The following VPS13A variants were observed in gnomAD, a reference collection of about 807,000 sequenced individuals.
VPS13A encodes intermembrane lipid transfer protein VPS13A.
A neutral mutation model predicts 390.9 loss-of-function variants in VPS13A; 264 were observed. That is an observed-to-expected ratio of 0.68 (90% confidence interval 0.61 to 0.75). The LOEUF (loss-of-function observed/expected upper bound fraction) is 0.75, where lower values mean the gene tolerates loss of function less well. VPS13A is among the 30% of genes least tolerant of loss of function. The pLI is 0.00. For synonymous variants in VPS13A, 1,231 were observed against 1,227.1 expected (o/e 1.00, Z -0.07); for missense variants, 3,409 against 3,733.9 (o/e 0.91, Z 2.27).
intron 17 of VPS13A, among the ~76,000 whole-genome samples, chr9:77,237,423 G>A (rs1824214191): frequency 6.6e-6 from 1 of 151,816 alleles, no homozygotes; most frequent in Admixed American, 6.6e-5. Flanking sequence ...GGAGGGCAGT[G>A]GCATGATCTC....
intron 31 of VPS13A, among the ~76,000 whole-genome samples, chr9:77,287,735 G>A (rs756402870): frequency 2.2e-4 from 33 of 152,186 alleles, no homozygotes; most frequent in Non-Finnish European, 4.1e-4. Context: ...TGTTGAAAGA[G>A]CTTTCCAGGT....
At position 77,214,225 on chromosome 9, in the gene VPS13A, G is replaced by A. The variant is rs1194647337; in HGVS notation, c.697-104G>A. ...CATGAGACAGGGGTTGCAGTGAGCT[G>A]AGATTGCACCACTGCCCTCCAGCCT... On this transcript the variant is annotated intron_variant, in intron 9 of 71. Coordinates refer to ENST00000360280, the MANE Select transcript of VPS13A (RefSeq NM_033305.3). 1.2e-5 allele frequency: 11 copies of A among 947,906 alleles called. No homozygotes were observed. The South Asian group carries it at 1.4e-4, about 12-fold the overall frequency. The allele number at this position is 947,906 out of a possible 1,614,324, so 58.7% of individuals were successfully genotyped here. A position where few individuals can be genotyped will look rare whatever the true frequency, so the allele number is the denominator to read the frequency against.
chr9:77,251,319 A>T (rs1308164527), intron 21 of VPS13A, among the ~76,000 whole-genome samples: 1 of 152,220 alleles, frequency 6.6e-6, no homozygotes, highest in Non-Finnish European at 1.5e-5. Context: ...ATGAGATAGT[A>T]TATATGAAAA....
intron 59 of VPS13A, among the ~76,000 whole-genome samples, chr9:77,364,099 G>T (rs1346613526): frequency 1.3e-5 from 2 of 152,112 alleles, no homozygotes; most frequent in African/African-American, 4.8e-5. Context: ...ACCCAAGGCA[G>T]AGCTTTTTTA....
Position 77,280,200 on chromosome 9 carries a change from A to G in VPS13A, c.2866A>G (p.Asn956Asp), listed in dbSNP as rs1444800030. ...KPVYLVTTLD[N>D]TMEDLLTLEY... The stretch of plus-strand genomic sequence containing the variant: ...AGTTTATTTGGTTACAACCCTGGAT[A>G]ACACAATGGAAGACCTGTTAACGCT... The change falls in exon 27 of 72, where the codon AAC becomes GAC. Residue 956 changes from asparagine to aspartate, a missense_variant. By Grantham distance (23) the Asn-to-Asp change is conservative. Coordinates refer to ENST00000360280, the MANE Select transcript of VPS13A (RefSeq NM_033305.3). 6.2e-7 allele frequency: 1 copy of G among 1,612,818 alleles called. No individual in the cohort carries two copies. Among genetic ancestry groups the G allele is most frequent in the Non-Finnish European group, 8.5e-7 (1 of 1,179,404 alleles).
intron 35 of VPS13A, among the ~76,000 whole-genome samples, chr9:77,308,511 A>G (rs972771449): frequency 6.6e-6 from 1 of 152,172 alleles, no homozygotes; most frequent in Non-Finnish European, 1.5e-5. Flanking sequence ...TATTGATATT[A>G]GGAATATCAA....
At chr9:77,233,103 ATTAG>A (rs1291429983) in intron 17 of VPS13A, among the ~76,000 whole-genome samples, 18 of 152,186 alleles carry the variant, frequency 1.2e-4, no homozygotes, top group Admixed American at 3.9e-4. Context: ...TTTACTTCCT[ATTAG>A]TTATCTGATT....
intron 61 of VPS13A, among the ~76,000 whole-genome samples, chr9:77,367,115 C>G (rs995498486): frequency 2.0e-5 from 3 of 152,070 alleles, no homozygotes; most frequent in African/African-American, 7.2e-5. Flanking sequence ...ATGCAAGTTT[C>G]ACATTTTAAA....
At chr9:77,274,179 C>T (rs957329027) in intron 24 of VPS13A, among the ~76,000 whole-genome samples, 2 of 152,086 alleles carry the variant, frequency 1.3e-5, no homozygotes, top group African/African-American at 4.8e-5. Flanking sequence ...CCTGTAATCC[C>T]AGCACTTTGG....
Position 77,314,514 on chromosome 9 carries a change from G to T in VPS13A, c.4262G>T (p.Arg1421Leu). ...TCATAGGCTTCCTTTACAGATGTTC[G>T]TGATCCTTCTCTGAAACTTGCTGAA... ...GPKQASFTDV[R>L]DPSLKLAEFK... The change falls in exon 37 of 72, where the codon CGT (arginine) becomes CTT (leucine). Residue 1421 changes from arginine to leucine, a missense_variant. Physicochemically the swap from Arg to Leu is moderately radical, Grantham distance 102. Coordinates refer to ENST00000360280, the MANE Select transcript of VPS13A (RefSeq NM_033305.3). 1 of 1,611,960 alleles carries T rather than the reference G, an allele frequency of 6.2e-7. No homozygotes were observed.
intron 31 of VPS13A, among the ~76,000 whole-genome samples, chr9:77,286,189 C>T (rs745966225): frequency 8.6e-5 from 13 of 151,774 alleles, no homozygotes; most frequent in African/African-American, 1.2e-4. Flanking sequence ...GTTGTTATTT[C>T]CTGTAATTTG....
In VPS13A at chr9:77,250,419, C is replaced by G. The variant is rs114598702; in HGVS notation, c.2170+190C>G. 1.5e-3 allele frequency among the ~76,000 whole-genome samples: 229 copies of G among 152,214 alleles called. 1 individual carries two copies. The highest frequency in any genetic ancestry group is 5.3e-3 in the African/African-American group (220 of 41,538). ...CCCCCCAAGAGACATTTGTCAATATCTGGAGACATCTTTGGTTGTCACAGG... is the reference window on the plus strand; with the variant it reads ...CCCCCCAAGAGACATTTGTCAATATGTGGAGACATCTTTGGTTGTCACAGG... On this transcript the variant is annotated intron_variant, in intron 21 of 71. Transcript: ENST00000360280.
chr9:77,287,224 T>TTTTC, intron 31 of VPS13A, among the ~76,000 whole-genome samples: 1 of 145,088 alleles, frequency 6.9e-6, no homozygotes. Flanking sequence ...ATACATAAAA[T>TTTTC]TCTCTCTCTC....
At chr9:77,285,652 A>G (rs979219539) in intron 31 of VPS13A, among the ~76,000 whole-genome samples, 3 of 152,204 alleles carry the variant, frequency 2.0e-5, no homozygotes, top group Admixed American at 6.5e-5. Flanking sequence ...GAGTTGGGAA[A>G]TGCTTTCTTC....
At chr9:77,232,044 A>C (rs1823861516) in intron 17 of VPS13A, among the ~76,000 whole-genome samples, 1 of 152,154 alleles carries the variant, frequency 6.6e-6, no homozygotes, top group African/African-American at 2.4e-5. Flanking sequence ...CCATTGTTGA[A>C]AATCAATTAG....
intron 35 of VPS13A, among the ~76,000 whole-genome samples, chr9:77,312,229 A>T (rs2131420679): frequency 6.6e-6 from 1 of 152,292 alleles, no homozygotes; most frequent in South Asian, 2.1e-4. Context: ...ATTTCTGTTC[A>T]TTAAAGATAC....
intron 23 of VPS13A, among the ~76,000 whole-genome samples, chr9:77,265,281 G>A (rs1169729839): frequency 6.6e-6 from 1 of 152,206 alleles, no homozygotes; most frequent in Non-Finnish European, 1.5e-5. Context: ...TCTCTGCCAT[G>A]TTTTGGTAGC....
chr9:77,312,220 T>A (rs1277700581), intron 35 of VPS13A, among the ~76,000 whole-genome samples: 1 of 152,154 alleles, frequency 6.6e-6, no homozygotes, highest in Non-Finnish European at 1.5e-5. Context: ...AAATTTTAGA[T>A]TTCTGTTCAT....
At chr9:77,322,961 T>TATTTATAAG (rs1791277693) in intron 44 of VPS13A, 106 bp from the exon 45 acceptor site, 3 of 904,788 alleles carry the variant, frequency 3.3e-6, no homozygotes, top group East Asian at 5.4e-5. Flanking sequence ...TAGTGACTAT[T>TATTTATAAG]ATTTATAAGT....
Sources: allele counts gnomAD v4.1 joint callset (sites outside exome capture counted in the v4.1 genomes callset), GRCh38; gene constraint gnomAD v4.1.1; transcripts MANE v1.5; gene names NCBI Gene and HGNC (gene_info 2026-07-23, HGNC 2026-07-21).